The following RAB38 variants were observed in gnomAD, a reference collection of about 807,000 sequenced individuals.
RAB38 encodes the protein RAB38, member RAS oncogene family.
RAB38 carries 15 observed loss-of-function variants against 18.4 expected under a neutral mutation model. That is an observed-to-expected ratio of 0.82 (90% CI 0.55 to 1.26). RAB38 has a LOEUF of 1.26. Among genes scored for constraint, RAB38 ranks in the 50% most tolerant of loss-of-function variants. The pLI is 0.00. For synonymous variants in RAB38, 101 were observed against 104.4 expected, an observed-to-expected ratio of 0.97 and a Z score of 0.20; for missense variants, 294 against 267.4, an observed-to-expected ratio of 1.10 and a Z score of -0.69.
In RAB38 at chr11:88,128,843, T is replaced by C. The variant is rs546258687; in HGVS notation, c.484-14703A>G. Among the ~76,000 whole-genome samples the C allele has an allele frequency of 1.7e-4, 26 of 152,300 alleles. No individual in the cohort carries two copies. In the East Asian group the frequency reaches 4.6e-3, roughly 27 times the overall value. ...GGACTCACTTGGATCATGTGGACAC[T>C]ATTGGCCAGTTACAGTGACTTGAGA... On this transcript the variant is annotated intron_variant, in intron 2 of 2. Transcript: ENST00000243662.
At chr11:88,107,849 T>A in the RAB38 span, among the ~76,000 whole-genome samples, 1 of 152,182 alleles carries the variant, frequency 6.6e-6, no homozygotes, top group African/African-American at 2.4e-5. Flanking sequence ...AAATAACTTA[T>A]TTATTTCTAC....
At chr11:87,848,471 G>T in the RAB38 span, among the ~76,000 whole-genome samples, 1 of 152,096 alleles carries the variant, frequency 6.6e-6, no homozygotes, top group African/African-American at 2.4e-5. Context: ...CTAATTAAGT[G>T]ATGTCTCAAA....
the RAB38 span, among the ~76,000 whole-genome samples, chr11:87,908,526 C>G: frequency 2.0e-5 from 3 of 151,972 alleles, no homozygotes; most frequent in Admixed American, 6.6e-5. Flanking sequence ...CTATGGAGGT[C>G]TGCTTACTTA....
chr11:88,029,992 C>A, the RAB38 span, among the ~76,000 whole-genome samples: 1 of 152,132 alleles, frequency 6.6e-6, no homozygotes, highest in Non-Finnish European at 1.5e-5. Context: ...AAGCTCTCCT[C>A]AGCAAATGTA....
the RAB38 span, among the ~76,000 whole-genome samples, chr11:88,078,511 G>GTGTGTGTGTGTC: frequency 6.6e-6 from 1 of 151,524 alleles, no homozygotes; most frequent in Non-Finnish European, 1.5e-5. Context: ...ATGTGTGTGT[G>GTGTGTGTGTGTC]TGTGTGTGTA....
chr11:87,878,280 ATC>A, the RAB38 span, among the ~76,000 whole-genome samples: 2 of 140,224 alleles, frequency 1.4e-5, no homozygotes, highest in Non-Finnish European at 3.1e-5. Flanking sequence ...CTATCTATCT[ATC>A]TATCTATCTA....
the RAB38 span, among the ~76,000 whole-genome samples, chr11:88,042,685 G>A: frequency 6.6e-6 from 1 of 152,202 alleles, no homozygotes; most frequent in Non-Finnish European, 1.5e-5. Context: ...GACGCAGGCT[G>A]CCTAGGAAGT....
At chr11:87,937,426 G>A in the RAB38 span, among the ~76,000 whole-genome samples, 1 of 146,408 alleles carries the variant, frequency 6.8e-6, no homozygotes, top group Non-Finnish European at 1.5e-5. Context: ...GTACTGTCTG[G>A]TTGGTTTTTA....
At chr11:87,826,638 T>C in the RAB38 span, among the ~76,000 whole-genome samples, 1 of 152,194 alleles carries the variant, frequency 6.6e-6, no homozygotes, top group Non-Finnish European at 1.5e-5. Flanking sequence ...ACATACATCA[T>C]ATTATTTAGT....
chr11:88,007,370 A>C, the RAB38 span, among the ~76,000 whole-genome samples: 5 of 142,996 alleles, frequency 3.5e-5, no homozygotes, highest in African/African-American at 1.3e-4. Flanking sequence ...ACATATACTT[A>C]TATTTGAAAG....
At chr11:88,083,306 A>C in the RAB38 span, among the ~76,000 whole-genome samples, 22 of 151,984 alleles carry the variant, frequency 1.4e-4, no homozygotes, top group Admixed American at 2.0e-4. Flanking sequence ...TAATATGTGC[A>C]TTATATATTT....
rs774535368 is a variant in RAB38, at chr11:88,175,443, C to T, written c.-59G>A. ...AGGGAAGCGCAGCCTGGGCTCTGCG[C>T]ACGAGAGAGACTTGGGGAGCGCAAG... On this transcript the variant is annotated 5_prime_UTR_variant, in exon 1 of 3. Transcript: ENST00000243662. 2 of 1,582,772 alleles carry T rather than the reference C, an allele frequency of 1.3e-6. No individual in the cohort carries two copies. The highest frequency in any genetic ancestry group is 8.7e-7 in the Non-Finnish European group (1 of 1,155,674).
the RAB38 span, among the ~76,000 whole-genome samples, chr11:87,921,592 T>G: frequency 6.7e-6 from 1 of 149,100 alleles, no homozygotes. Context: ...TATACACATT[T>G]AGATATGACA....
the RAB38 span, among the ~76,000 whole-genome samples, chr11:88,038,008 G>A: frequency 6.6e-6 from 1 of 152,140 alleles, no homozygotes. Context: ...AGTATTGTGT[G>A]TGTATTGTCT....
At chr11:87,897,661 C>A in the RAB38 span, among the ~76,000 whole-genome samples, 22 of 151,496 alleles carry the variant, frequency 1.5e-4, no homozygotes, top group African/African-American at 4.4e-4. Context: ...CCAGCCCATA[C>A]GAAATTGTGT....
chr11:88,026,498 G>A, the RAB38 span, among the ~76,000 whole-genome samples: 5 of 149,214 alleles, frequency 3.4e-5, no homozygotes, highest in African/African-American at 1.2e-4. Flanking sequence ...GGGAGGCGGA[G>A]GTTGCAGTGA....
chr11:88,071,176 G>A, the RAB38 span, among the ~76,000 whole-genome samples: 1 of 151,872 alleles, frequency 6.6e-6, no homozygotes, highest in African/African-American at 2.4e-5. Flanking sequence ...GGACGAGCAG[G>A]ATACCTTACC....
the RAB38 span, among the ~76,000 whole-genome samples, chr11:88,050,968 T>C: frequency 6.6e-6 from 1 of 152,292 alleles, no homozygotes. Flanking sequence ...AAAGGAGGGC[T>C]GGAATTAGGT....
chr11:88,152,198 T>C (rs892559316), intron 1 of RAB38, among the ~76,000 whole-genome samples: 1 of 152,220 alleles, frequency 6.6e-6, no homozygotes. Context: ...CTTTAGGCTT[T>C]TAAAGGATGT....
Sources: allele counts gnomAD v4.1 joint callset (sites outside exome capture counted in the v4.1 genomes callset), GRCh38; gene constraint gnomAD v4.1.1; transcripts MANE v1.5; gene names NCBI Gene and HGNC (gene_info 2026-07-23, HGNC 2026-07-21).